DNMT3B: variants seen among roughly 807,000 people sequenced by gnomAD.
The protein encoded by DNMT3B is DNA (cytosine-5)-methyltransferase 3B.
DNMT3B carries 37 observed loss-of-function variants against 120.2 expected under a neutral mutation model. The observed-to-expected ratio is 0.31, with a 90% CI of 0.24 to 0.40. DNMT3B has a LOEUF of 0.40. DNMT3B is among the 10% of genes least tolerant of loss of function. DNMT3B has a pLI of 1.00. For synonymous variants in DNMT3B, 412 were observed against 442.8 expected (o/e 0.93, Z 0.87); for missense variants, 878 against 1,137.3 (o/e 0.77, Z 3.28).
At chr20:32,806,366 T>A (rs757137690) in intron 22 of DNMT3B, 39 bp downstream of exon 22, 1 of 1,588,532 alleles carries the variant, frequency 6.3e-7, no homozygotes, top group Non-Finnish European at 8.6e-7. Context: ...ACTGTGTAGA[T>A]CAAAACACAA....
intron 5 of DNMT3B, 113 bp downstream of exon 5, chr20:32,786,740 T>C: frequency 6.5e-7 from 1 of 1,549,068 alleles, no homozygotes; most frequent in Non-Finnish European, 8.8e-7. Flanking sequence ...TTTTTCACAC[T>C]GCTTTTCAGG....
intron 4 of DNMT3B, 105 bp from the exon 5 acceptor site, chr20:32,786,397 G>T: frequency 1.3e-6 from 2 of 1,529,024 alleles, no homozygotes; most frequent in Non-Finnish European, 9.0e-7. Context: ...CCTGAAGCTG[G>T]CTACCAGGTC....
intron 6 of DNMT3B, among the ~76,000 whole-genome samples, chr20:32,787,757 A>C (rs1979499329): frequency 6.6e-6 from 1 of 152,200 alleles, no homozygotes; most frequent in Non-Finnish European, 1.5e-5. Flanking sequence ...GCCCGTGTGA[A>C]GAGACCACCA....
At chr20:32,777,593 G>A (rs1988131150) in intron 1 of DNMT3B, among the ~76,000 whole-genome samples, 1 of 152,136 alleles carries the variant, frequency 6.6e-6, no homozygotes, top group Admixed American at 6.5e-5. Flanking sequence ...AGCACTTTGG[G>A]GAGGTGGACC....
intron 1 of DNMT3B, among the ~76,000 whole-genome samples, chr20:32,765,112 G>T (rs772869343): frequency 1.3e-5 from 2 of 152,086 alleles, no homozygotes; most frequent in Non-Finnish European, 2.9e-5. Flanking sequence ...TCAGAGGTAT[G>T]AGGTTGTGTG....
chr20:32,802,283 C>T, intron 19 of DNMT3B, 102 bp from the exon 20 acceptor site: 1 of 1,248,024 alleles, frequency 8.0e-7, no homozygotes, highest in Non-Finnish European at 1.2e-6. Context: ...AGGATCCGTG[C>T]CTCATCCATA....
At position 32,792,644 on chromosome 20, in the gene DNMT3B, G is replaced by A. The variant is rs951488082; in HGVS notation, c.940G>A (p.Gly314Ser). 3 of 1,614,114 alleles carry A rather than the reference G, an allele frequency of 1.9e-6. No homozygotes were observed. Among genetic ancestry groups the A allele is most frequent in the Non-Finnish European group, 2.5e-6 (3 of 1,180,042 alleles). Reference sequence around the variant, plus strand: ...TTTGCAGAAAGCTAGGGTGCGAGCTGGCAAGACCTTCCCCAGCAGCCCTGG... The same window carrying A: ...TTTGCAGAAAGCTAGGGTGCGAGCTAGCAAGACCTTCCCCAGCAGCCCTGG... Reference protein sequence around the residue: ...HALEKARVRAGKTFPSSPGDS... With the variant: ...HALEKARVRASKTFPSSPGDS... Residue 314 changes from glycine to serine, a missense_variant, in exon 9 of 23, where the codon GGC becomes AGC. By Grantham distance (56) the Gly-to-Ser change is moderately conservative. Coordinates refer to ENST00000328111, the MANE Select transcript of DNMT3B (RefSeq NM_006892.4).
intron 10 of DNMT3B, among the ~76,000 whole-genome samples, chr20:32,793,821 C>T (rs772571325): frequency 1.8e-4 from 27 of 152,090 alleles, no homozygotes; most frequent in Non-Finnish European, 2.1e-4. Context: ...TCCTGCTTTC[C>T]CCTTTATTAA....
chr20:32,773,117 C>G (rs916626185), intron 1 of DNMT3B, among the ~76,000 whole-genome samples: 1 of 143,934 alleles, frequency 6.9e-6, no homozygotes, highest in African/African-American at 2.6e-5. Context: ...CTGTGCCTGG[C>G]TTTTTTTTTT....
chr20:32,775,123 G>A (rs1180662119), intron 1 of DNMT3B, among the ~76,000 whole-genome samples: 1 of 152,202 alleles, frequency 6.6e-6, no homozygotes, highest in Non-Finnish European at 1.5e-5. Flanking sequence ...CTCCCGAAGT[G>A]CTGGGATTAC....
intron 1 of DNMT3B, among the ~76,000 whole-genome samples, chr20:32,765,971 A>T (rs1987342949): frequency 6.6e-6 from 1 of 151,512 alleles, no homozygotes; most frequent in African/African-American, 2.4e-5. Flanking sequence ...GTTCGCCAGG[A>T]TGGTCTCAAT....
chr20:32,780,559 A>G (rs1345684253), intron 2 of DNMT3B, 94 bp downstream of exon 2: 1 of 1,533,122 alleles, frequency 6.5e-7, no homozygotes, highest in African/African-American at 1.4e-5. Flanking sequence ...GTCTCTGACA[A>G]CCTCCACCAC....
At chr20:32,795,164 T>C (rs1054539292) in intron 10 of DNMT3B, among the ~76,000 whole-genome samples, 25 of 152,214 alleles carry the variant, frequency 1.6e-4, no homozygotes, top group Non-Finnish European at 3.5e-4. Flanking sequence ...AGCTGAGTCA[T>C]TTTTACATCC....
chr20:32,800,741 C>T, intron 17 of DNMT3B, 94 bp from the exon 18 acceptor site: 2 of 1,396,186 alleles, frequency 1.4e-6, no homozygotes, highest in African/African-American at 1.4e-5. Flanking sequence ...AGGTGTGAGC[C>T]ACCTCGTCCA....
intron 3 of DNMT3B, 54 bp downstream of exon 3, chr20:32,781,468 C>T (rs1382169879): frequency 3.7e-6 from 6 of 1,600,040 alleles, no homozygotes; most frequent in Non-Finnish European, 5.1e-6. Flanking sequence ...CTTTGGCTTT[C>T]ATCACGTGGG....
intron 8 of DNMT3B, among the ~76,000 whole-genome samples, 183 bp from the exon 9 acceptor site, chr20:32,792,443 G>A (rs979290094): frequency 2.0e-5 from 3 of 152,126 alleles, no homozygotes; most frequent in Admixed American, 1.3e-4. Flanking sequence ...CCCCCCTTCC[G>A]AGGCCTCTCC....
chr20:32,806,147 A>C, intron 21 of DNMT3B, 62 bp from the exon 22 acceptor site: 1 of 1,491,392 alleles, frequency 6.7e-7, no homozygotes, highest in East Asian at 2.3e-5. Flanking sequence ...GGTACTTTTG[A>C]GCCTTGACTC....
chr20:32,786,395 T>C (rs2145942966), intron 4 of DNMT3B, 107 bp from the exon 5 acceptor site: 4 of 1,515,402 alleles, frequency 2.6e-6, no homozygotes, highest in East Asian at 2.3e-5. Flanking sequence ...GTCCTGAAGC[T>C]GGCTACCAGG....
intron 19 of DNMT3B, among the ~76,000 whole-genome samples, chr20:32,802,122 T>A (rs1981411322): frequency 6.6e-6 from 1 of 152,072 alleles, no homozygotes; most frequent in Non-Finnish European, 1.5e-5. Flanking sequence ...CGGTGTATCA[T>A]ATTTTGTAAT....
Sources: allele counts gnomAD v4.1 joint callset (sites outside exome capture counted in the v4.1 genomes callset), GRCh38; gene constraint gnomAD v4.1.1; transcripts MANE v1.5; gene names NCBI Gene and HGNC (gene_info 2026-07-23, HGNC 2026-07-21).